The following FAM83B variants were observed in gnomAD, a reference collection of about 807,000 sequenced individuals.
FAM83B encodes protein FAM83B.
Under a neutral mutation model 38.8 loss-of-function variants are expected in FAM83B, and 26 were observed. The ratio of observed to expected loss-of-function variants is 0.67; its 90% CI spans 0.49 to 0.93. The LOEUF (loss-of-function observed/expected upper bound fraction) is 0.93. Among genes scored for constraint, FAM83B ranks in the 40% least tolerant of loss-of-function variants. The pLI, the probability that FAM83B is intolerant of heterozygous loss-of-function variation, is 0.00. For missense variants in FAM83B, 1,237 were observed against 1,197.3 expected (o/e 1.03, Z -0.49); for synonymous variants, 419 against 423.1 (o/e 0.99, Z 0.12).
intron 2 of FAM83B, among the ~76,000 whole-genome samples, chr6:54,920,206 G>T (rs1773139494): frequency 6.6e-6 from 1 of 151,178 alleles, no homozygotes; most frequent in African/African-American, 2.4e-5. Context: ...GATTGTTTTT[G>T]ACAGGGTTTA....
intron 2 of FAM83B, among the ~76,000 whole-genome samples, chr6:54,882,346 T>C (rs1367298795): frequency 6.6e-6 from 1 of 152,228 alleles, no homozygotes; most frequent in Non-Finnish European, 1.5e-5. Context: ...ATTTTATATA[T>C]ACTGATGTAT....
intron 1 of FAM83B, among the ~76,000 whole-genome samples, chr6:54,848,808 A>G (rs1211092703): frequency 6.6e-6 from 1 of 152,198 alleles, no homozygotes; most frequent in Non-Finnish European, 1.5e-5. Flanking sequence ...GGACTCTTCT[A>G]ATACATAAAT....
chr6:54,925,638 G>A (rs1218274058), intron 2 of FAM83B, among the ~76,000 whole-genome samples: 1 of 151,998 alleles, frequency 6.6e-6, no homozygotes, highest in Non-Finnish European at 1.5e-5. Context: ...AACAACATGG[G>A]TGTGAACTGC....
intron 2 of FAM83B, among the ~76,000 whole-genome samples, chr6:54,880,173 T>A (rs983847094): frequency 6.6e-6 from 1 of 152,220 alleles, no homozygotes. Context: ...CTTCAAGTGA[T>A]TTAAAGTCTA....
At chr6:54,877,277 T>C (rs780312518) in intron 2 of FAM83B, among the ~76,000 whole-genome samples, 1 of 152,180 alleles carries the variant, frequency 6.6e-6, no homozygotes, top group African/African-American at 2.4e-5. Flanking sequence ...TAGGTACACA[T>C]TGAGGCATCT....
chr6:54,888,181 G>A (rs1186967222), intron 2 of FAM83B, among the ~76,000 whole-genome samples: 3 of 150,704 alleles, frequency 2.0e-5, no homozygotes, highest in Admixed American at 6.6e-5. Flanking sequence ...GACAGTACAA[G>A]GACCTTTGAA....
At chr6:54,901,496 C>T (rs1772660135) in intron 2 of FAM83B, among the ~76,000 whole-genome samples, 1 of 152,096 alleles carries the variant, frequency 6.6e-6, no homozygotes, top group Non-Finnish European at 1.5e-5. Flanking sequence ...CACATATTCC[C>T]TGAAAGAAGC....
intron 2 of FAM83B, 108 bp downstream of exon 2, chr6:54,870,798 C>A: frequency 1.9e-6 from 2 of 1,065,754 alleles, no homozygotes; most frequent in Non-Finnish European, 2.6e-6. Context: ...ATGTATAGGC[C>A]ATGCCTATTG....
At chr6:54,887,774 ATATG>A (rs1561914861) in intron 2 of FAM83B, among the ~76,000 whole-genome samples, 1 of 151,762 alleles carries the variant, frequency 6.6e-6, no homozygotes, top group Non-Finnish European at 1.5e-5. Flanking sequence ...AAATGTGTAT[ATATG>A]TATTTGATGT....
intron 2 of FAM83B, among the ~76,000 whole-genome samples, chr6:54,885,279 A>G (rs1772248297): frequency 6.6e-6 from 1 of 152,198 alleles, no homozygotes; most frequent in Non-Finnish European, 1.5e-5. Flanking sequence ...ATATTCCTCT[A>G]TTAAGTTATG....
chr6:54,891,697 C>T (rs10485136), intron 2 of FAM83B, among the ~76,000 whole-genome samples: 56,474 of 152,016 alleles, frequency 0.37, 11,343 homozygotes, highest in East Asian at 0.8. Flanking sequence ...TCCTCTCTCT[C>T]TGTTAAAGGC....
chr6:54,904,667 A>G (rs1411597103), intron 2 of FAM83B, among the ~76,000 whole-genome samples: 1 of 152,232 alleles, frequency 6.6e-6, no homozygotes, highest in African/African-American at 2.4e-5. Context: ...TTAAGACATT[A>G]GACTAAGAGA....
chr6:54,935,506 T>C (rs964533793), intron 4 of FAM83B, among the ~76,000 whole-genome samples: 59 of 152,078 alleles, frequency 3.9e-4, no homozygotes, highest in African/African-American at 1.3e-3. Context: ...ATCTGGGGGA[T>C]AGCAGAAAGG....
At chr6:54,934,971 C>G (rs1773497553) in intron 4 of FAM83B, among the ~76,000 whole-genome samples, 1 of 152,146 alleles carries the variant, frequency 6.6e-6, no homozygotes, top group African/African-American at 2.4e-5. Flanking sequence ...TTTCTCTGTT[C>G]TAAACATTTA....
chr6:54,910,527 T>C (rs1772881075), intron 2 of FAM83B, among the ~76,000 whole-genome samples: 1 of 152,158 alleles, frequency 6.6e-6, no homozygotes, highest in South Asian at 2.1e-4. Flanking sequence ...GGTTGCCTAG[T>C]AGGAAGTGCC....
Position 54,870,679 on chromosome 6 carries a change from G to A in FAM83B, c.433G>A (p.Glu145Lys). 3 of 1,587,720 alleles carry A rather than the reference G, an allele frequency of 1.9e-6. No individual in the cohort carries two copies. Among genetic ancestry groups the A allele is most frequent in the Non-Finnish European group, 1.7e-6 (2 of 1,169,130 alleles). The change falls in exon 2 of 5, where the codon GAA becomes AAA. Residue 145 changes from glutamate (E) to lysine (K), a missense_variant. Transcript: ENST00000306858. ...IKETIRKMIK[E>K]ARKVIALVMD... ...AGAAACTATTCGGAAGATGATAAAA[G>A]AAGCAAGAAAGGTAATAACATTTCT...
chr6:54,909,798 G>A (rs1022196959), intron 2 of FAM83B, among the ~76,000 whole-genome samples: 1 of 152,116 alleles, frequency 6.6e-6, no homozygotes, highest in Non-Finnish European at 1.5e-5. Context: ...ATTTAGGCTC[G>A]GAGAATTGGC....
At chr6:54,862,890 G>GA (rs74331430) in intron 1 of FAM83B, among the ~76,000 whole-genome samples, 64 of 147,750 alleles carry the variant, frequency 4.3e-4, no homozygotes, top group Non-Finnish European at 4.6e-4. Flanking sequence ...AAAAAACCAC[G>GA]AAAAAAAAAA....
At chr6:54,935,804 G>A (rs572244674) in intron 4 of FAM83B, among the ~76,000 whole-genome samples, 1 of 152,200 alleles carries the variant, frequency 6.6e-6, no homozygotes, top group African/African-American at 2.4e-5. Context: ...GAGAAGTTTT[G>A]CAAGCAGAGT....
Sources: gnomAD v4.1 joint callset for allele counts (sites outside exome capture counted in the v4.1 genomes callset) on GRCh38, gnomAD v4.1.1 for gene constraint, MANE v1.5 for transcripts, NCBI Gene and HGNC (gene_info 2026-07-23, HGNC 2026-07-21) for gene names.